Variants in GRIK2 observed in about 807,000 individuals in gnomAD.
The protein encoded by GRIK2 is glutamate ionotropic receptor kainate type subunit 2.
A neutral mutation model predicts 100.3 loss-of-function variants in GRIK2; 32 were observed. The observed-to-expected ratio is 0.32, with a 90% CI of 0.24 to 0.43. The LOEUF (loss-of-function observed/expected upper bound fraction) is 0.43, where lower values mean the gene tolerates loss of function less well. Ranked by LOEUF, GRIK2 falls within the 20% of genes least tolerant of loss-of-function variation. The pLI, the probability that GRIK2 is intolerant of heterozygous loss-of-function variation, is 1.00. For synonymous variants in GRIK2, 417 were observed against 389.4 expected (o/e 1.07, Z -0.83); for missense variants, 843 against 1,114.9 (o/e 0.76, Z 3.47).
chr6:101,685,746 G>T (rs1308223651), intron 6 of GRIK2, among the ~76,000 whole-genome samples: 1 of 151,700 alleles, frequency 6.6e-6, no homozygotes, highest in Non-Finnish European at 1.5e-5. Context: ...TTTGTGACTT[G>T]CTTTCTAAAA....
At chr6:101,623,026 A>G (rs1780238947) in intron 3 of GRIK2, among the ~76,000 whole-genome samples, 1 of 152,054 alleles carries the variant, frequency 6.6e-6, no homozygotes, top group African/African-American at 2.4e-5. Flanking sequence ...GATTTTTCTC[A>G]AAGGAAAAGG....
At chr6:101,707,329 T>G (rs1487805496) in intron 7 of GRIK2, among the ~76,000 whole-genome samples, 4 of 151,118 alleles carry the variant, frequency 2.6e-5, no homozygotes, top group Non-Finnish European at 5.9e-5. Flanking sequence ...TAAGCAAGTA[T>G]GGAAAATAAT....
intron 12 of GRIK2, among the ~76,000 whole-genome samples, chr6:101,899,130 G>T (rs1349100498): frequency 1.4e-5 from 2 of 147,010 alleles, no homozygotes; most frequent in African/African-American, 2.5e-5. Context: ...AAAAAATATC[G>T]TGGCTGTCCT....
intron 11 of GRIK2, among the ~76,000 whole-genome samples, chr6:101,877,576 A>G (rs148932543): frequency 6.8e-4 from 104 of 152,114 alleles, no homozygotes; most frequent in African/African-American, 2.4e-3. Flanking sequence ...TGACTATACA[A>G]ATATGACATT....
At chr6:101,525,776 G>T (rs144887502) in intron 2 of GRIK2, among the ~76,000 whole-genome samples, 1 of 152,160 alleles carries the variant, frequency 6.6e-6, no homozygotes, top group African/African-American at 2.4e-5. Context: ...TGAAAATAAT[G>T]TGCATGTGTA....
At chr6:101,940,198 C>T (rs1268605493) in intron 14 of GRIK2, among the ~76,000 whole-genome samples, 2 of 152,118 alleles carry the variant, frequency 1.3e-5, no homozygotes, top group Admixed American at 1.3e-4. Flanking sequence ...TGGCTGAGAA[C>T]TAATTTTTGT....
intron 2 of GRIK2, among the ~76,000 whole-genome samples, chr6:101,424,233 T>C (rs577744079): frequency 6.6e-6 from 1 of 152,270 alleles, no homozygotes; most frequent in African/African-American, 2.4e-5. Flanking sequence ...GTTTGTTACA[T>C]ATGTATACAT....
chr6:102,037,657 G>A (rs998477990), intron 15 of GRIK2, among the ~76,000 whole-genome samples: 1 of 151,212 alleles, frequency 6.6e-6, no homozygotes, highest in Non-Finnish European at 1.5e-5. Context: ...AAATGATTGT[G>A]TTTTCACAAT....
chr6:101,700,011 A>C (rs1464421943), intron 7 of GRIK2, among the ~76,000 whole-genome samples: 1 of 151,966 alleles, frequency 6.6e-6, no homozygotes, highest in Non-Finnish European at 1.5e-5. Flanking sequence ...TTAGCCTGGC[A>C]TAGTTTCACA....
intron 2 of GRIK2, among the ~76,000 whole-genome samples, chr6:101,485,296 G>A (rs1443736398): frequency 6.6e-6 from 1 of 152,182 alleles, no homozygotes; most frequent in East Asian, 1.9e-4. Flanking sequence ...CAGCTGGCTA[G>A]TGGCTAAGTG....
chr6:102,068,275 T>A, intron 16 of GRIK2, 72 bp from the exon 17 acceptor site: 1 of 1,138,880 alleles, frequency 8.8e-7, no homozygotes, highest in South Asian at 1.5e-5. Context: ...TTGAGGATGA[T>A]TTTAATATTG....
chr6:101,822,498 T>C (rs1782020974), intron 10 of GRIK2, among the ~76,000 whole-genome samples: 1 of 151,742 alleles, frequency 6.6e-6, no homozygotes, highest in South Asian at 2.1e-4. Context: ...GCTTGGAAAA[T>C]TTTGTGGAAT....
intron 4 of GRIK2, among the ~76,000 whole-genome samples, chr6:101,671,985 T>C (rs894619060): frequency 2.0e-5 from 3 of 152,162 alleles, no homozygotes; most frequent in Non-Finnish European, 4.4e-5. Context: ...AACTTTCATT[T>C]AGAAGACATG....
At chr6:101,920,548 G>C (rs9377324) in intron 12 of GRIK2, among the ~76,000 whole-genome samples, 123,007 of 151,776 alleles carry the variant, frequency 0.81, 49,983 homozygotes, top group East Asian at 0.94. Flanking sequence ...AATACTGAGC[G>C]ATAGTCATCA....
chr6:101,885,278 C>T (rs1786534400), intron 11 of GRIK2, among the ~76,000 whole-genome samples: 1 of 151,752 alleles, frequency 6.6e-6, no homozygotes, highest in African/African-American at 2.4e-5. Flanking sequence ...GGAAAAGAAC[C>T]AGAGATGTGT....
chr6:101,851,983 A>G (rs1562439182), intron 10 of GRIK2, among the ~76,000 whole-genome samples: 1 of 150,942 alleles, frequency 6.6e-6, no homozygotes, highest in East Asian at 1.9e-4. Flanking sequence ...AAATCTTAAC[A>G]CCCTTTCCCT....
chr6:101,803,662 T>C (rs1339613430), intron 9 of GRIK2, among the ~76,000 whole-genome samples: 1 of 151,820 alleles, frequency 6.6e-6, no homozygotes, highest in African/African-American at 2.4e-5. Flanking sequence ...GTTATTACTT[T>C]ATTTATTTAT....
chr6:101,507,298 A>T (rs1212542082), intron 2 of GRIK2, among the ~76,000 whole-genome samples: 1 of 152,154 alleles, frequency 6.6e-6, no homozygotes, highest in African/African-American at 2.4e-5. Flanking sequence ...GGAGCAGAAG[A>T]GTTAACTGAG....
intron 14 of GRIK2, among the ~76,000 whole-genome samples, chr6:102,001,899 A>T (rs1372251401): frequency 6.6e-6 from 1 of 151,688 alleles, no homozygotes; most frequent in Non-Finnish European, 1.5e-5. Flanking sequence ...TGTTAATTTG[A>T]TTGCTAATTT....
Sources: allele counts gnomAD v4.1 joint callset (sites outside exome capture counted in the v4.1 genomes callset), GRCh38; gene constraint gnomAD v4.1.1; transcripts MANE v1.5; gene names NCBI Gene and HGNC (gene_info 2026-07-23, HGNC 2026-07-21).